Variants in CSMD2 observed in about 807,000 individuals in gnomAD.
CSMD2 encodes the protein CUB and sushi domain-containing protein 2.
In CSMD2, 130 loss-of-function variants were observed where a neutral mutation model predicts 398.5. The ratio of observed to expected loss-of-function variants is 0.33; its 90% confidence interval spans 0.28 to 0.38. CSMD2 has a LOEUF of 0.38. CSMD2 is among the 10% of genes least tolerant of loss of function. The probability of loss-of-function intolerance (pLI) is 1.00; values close to 1 mark genes in which losing one functional copy is unlikely to be tolerated. For missense variants in CSMD2, 3,829 were observed against 4,764.9 expected (o/e 0.80, Z 5.78); for synonymous variants, 1,828 against 1,908.5 (o/e 0.96, Z 1.10).
rs531426630 is a variant in CSMD2, at chr1:33,551,016, A to T, written c.8744-666T>A. On this transcript the variant is annotated intron_variant, in intron 55 of 70. Coordinates refer to ENST00000373381, the MANE Select transcript of CSMD2 (RefSeq NM_001281956.2). ...TCTCTCATTTACTCAACACACATTTATTGAGTCCCTGTCATGTGCTAGACA... is the reference window on the plus strand; with the variant it reads ...TCTCTCATTTACTCAACACACATTTTTTGAGTCCCTGTCATGTGCTAGACA... Among the ~76,000 whole-genome samples, 5 of 152,280 alleles carry T rather than the reference A, an allele frequency of 3.3e-5. No homozygotes were observed. The East Asian group carries it at 9.7e-4, about 29-fold the overall frequency.
At chr1:33,684,808 G>T (rs2149077263) in intron 25 of CSMD2, among the ~76,000 whole-genome samples, 1 of 152,300 alleles carries the variant, frequency 6.6e-6, no homozygotes, top group South Asian at 2.1e-4. Flanking sequence ...ACCCCCAACT[G>T]CCATACAGAA....
intron 60 of CSMD2, among the ~76,000 whole-genome samples, chr1:33,538,330 G>C (rs552585532): frequency 6.6e-6 from 1 of 152,214 alleles, no homozygotes; most frequent in African/African-American, 2.4e-5. Flanking sequence ...TTACACTGCG[G>C]TGGGTAGTGC....
At chr1:33,825,545 G>T in intron 7 of CSMD2, 152 bp downstream of exon 7, 1 of 686,044 alleles carries the variant, frequency 1.5e-6, no homozygotes. Flanking sequence ...TCTGGCCGTT[G>T]GGTCAGTGTG....
In CSMD2 at chr1:33,624,380, G is replaced by C; in HGVS notation, c.5625+139C>G. ...CTGAGCCTCCTTAGCCGCAGGGGCA[G>C]GTACAGGGCTGATATGTCTCTTCCT... On this transcript the variant is annotated intron_variant, in intron 35 of 70. Transcript: ENST00000373381. The surrounding 1 kb of genome is among the most constrained non-coding windows in gnomAD (Gnocchi z 4.7). 9.5e-7 allele frequency: 1 copy of C among 1,052,780 alleles called. No individual in the cohort carries two copies. Among genetic ancestry groups the C allele is most frequent in the South Asian group, 1.7e-5 (1 of 59,488 alleles). 65.2% of individuals were successfully genotyped at this position (1,052,780 alleles called of 1,614,324 possible). A position where few individuals can be genotyped will look rare whatever the true frequency, so the allele number is the denominator to read the frequency against.
intron 22 of CSMD2, among the ~76,000 whole-genome samples, chr1:33,707,486 G>T (rs1292333642): frequency 6.6e-6 from 1 of 152,166 alleles, no homozygotes; most frequent in African/African-American, 2.4e-5. Context: ...TAAAACCCTT[G>T]TCTTGTATTC....
At chr1:34,165,755 C>A (rs201044615), upstream of CSMD2, 85 of 1,613,906 alleles carry the variant, frequency 5.3e-5, no homozygotes, top group Non-Finnish European at 6.9e-5. Flanking sequence ...ACCAGCTGAT[C>A]TTGGGTGGTG....
intron 66 of CSMD2, 109 bp downstream of exon 66, chr1:33,524,773 C>T: frequency 1.8e-6 from 2 of 1,108,518 alleles, no homozygotes; most frequent in Non-Finnish European, 2.6e-6. Flanking sequence ...GACCACCAGA[C>T]AAGTCTGAGC....
Position 34,100,317 on chromosome 1 carries a change from C to T in CSMD2, c.188-11124G>A, listed in dbSNP as rs1306189275. Among the ~76,000 whole-genome samples the T allele has an allele frequency of 3.3e-5, 5 of 151,884 alleles. No individual in the cohort carries two copies. The East Asian group carries it at 9.7e-4, about 29-fold the overall frequency. ...CCGAAGTTAACAGCCAGGTATGTGT[C>T]CCTCCCTCACCTTCTTCTCTCTCAT... On this transcript the variant is annotated intron_variant, in intron 1 of 70. Transcript: ENST00000373381.
At chr1:34,037,618 C>A (rs1292827348) in intron 2 of CSMD2, among the ~76,000 whole-genome samples, 3 of 152,228 alleles carry the variant, frequency 2.0e-5, no homozygotes, top group African/African-American at 4.8e-5. Flanking sequence ...GTCTCTCACC[C>A]ATGTCTACCA....
chr1:34,072,290 G>A (rs551450510), intron 2 of CSMD2, among the ~76,000 whole-genome samples: 2 of 152,334 alleles, frequency 1.3e-5, no homozygotes, highest in South Asian at 2.1e-4. Flanking sequence ...TTTGGGTACC[G>A]TGTCTGCTGA....
chr1:34,053,934 TA>T (rs1255505078), intron 2 of CSMD2, among the ~76,000 whole-genome samples: 2 of 152,196 alleles, frequency 1.3e-5, no homozygotes, highest in South Asian at 4.1e-4. Context: ...GCGGCAGAGC[TA>T]AATCCTTAGC....
At chr1:33,592,895 A>G (rs904945127) in intron 44 of CSMD2, among the ~76,000 whole-genome samples, 3 of 151,382 alleles carry the variant, frequency 2.0e-5, no homozygotes, top group African/African-American at 7.3e-5. Context: ...CTTGCAGTGA[A>G]CCAAGATCAC....
At chr1:33,613,580 G>T (rs1468924614) in intron 40 of CSMD2, among the ~76,000 whole-genome samples, 1 of 152,176 alleles carries the variant, frequency 6.6e-6, no homozygotes, top group East Asian at 1.9e-4. Flanking sequence ...CAGTTAGACT[G>T]CTTTCTCCCA....
chr1:34,092,444 C>T (rs1470535720), intron 1 of CSMD2, among the ~76,000 whole-genome samples: 1 of 152,144 alleles, frequency 6.6e-6, no homozygotes, highest in East Asian at 1.9e-4. Flanking sequence ...TCCACAGCTC[C>T]CAGCGTGAGC....
At chr1:34,001,279 A>T (rs187419822) in intron 3 of CSMD2, among the ~76,000 whole-genome samples, 2 of 152,222 alleles carry the variant, frequency 1.3e-5, no homozygotes, top group South Asian at 2.1e-4. Flanking sequence ...CGACAAAAAC[A>T]TCCCTGAAAT....
chr1:33,826,473 A>T (rs1658834754), intron 6 of CSMD2, among the ~76,000 whole-genome samples: 1 of 152,252 alleles, frequency 6.6e-6, no homozygotes, highest in Middle Eastern at 3.4e-3. Context: ...AGGATAAGAG[A>T]CACATGGGGG....
At chr1:33,707,865 T>C (rs1037215973) in intron 22 of CSMD2, among the ~76,000 whole-genome samples, 8 of 152,176 alleles carry the variant, frequency 5.3e-5, no homozygotes, top group Admixed American at 4.6e-4. Context: ...AATTTAATGG[T>C]TTATCTTTGG....
intron 3 of CSMD2, among the ~76,000 whole-genome samples, chr1:34,018,360 T>C (rs1234839337): frequency 6.6e-6 from 1 of 152,242 alleles, no homozygotes; most frequent in Non-Finnish European, 1.5e-5. Context: ...AACACTTTCA[T>C]GCATATAACT....
chr1:33,985,232 T>C (rs1468278977), intron 3 of CSMD2, among the ~76,000 whole-genome samples: 1 of 152,210 alleles, frequency 6.6e-6, no homozygotes, highest in Non-Finnish European at 1.5e-5. Context: ...GACTTAGCCT[T>C]CCTTCCCCAT....
Sources: allele counts gnomAD v4.1 joint callset (sites outside exome capture counted in the v4.1 genomes callset), GRCh38; gene constraint gnomAD v4.1.1; non-coding constraint Gnocchi (gnomAD v3.1); transcripts MANE v1.5; gene names NCBI Gene and HGNC (gene_info 2026-07-23, HGNC 2026-07-21).